The following CACNA2D1 variants were observed in gnomAD, a reference collection of about 807,000 sequenced individuals.
The protein encoded by CACNA2D1 is voltage-dependent calcium channel subunit alpha-2/delta-1.
CACNA2D1 carries 53 observed loss-of-function variants against 171.5 expected under a neutral mutation model. That is an observed-to-expected ratio of 0.31 (90% CI 0.25 to 0.39). The LOEUF (loss-of-function observed/expected upper bound fraction) is 0.39. Among genes scored for constraint, CACNA2D1 ranks in the 10% least tolerant of loss-of-function variants. CACNA2D1 has a pLI of 1.00. For missense variants in CACNA2D1, 903 were observed against 1,299.8 expected, an observed-to-expected ratio of 0.69 and a Z score of 4.69; for synonymous variants, 442 against 443.1, an observed-to-expected ratio of 1.00 and a Z score of 0.03.
intron 6 of CACNA2D1, among the ~76,000 whole-genome samples, chr7:82,105,396 G>GTTTTTT: frequency 1.6e-5 from 1 of 61,268 alleles, no homozygotes; most frequent in Non-Finnish European, 3.5e-5. Context: ...ACCAGTTTTT[G>GTTTTTT]TCTTTTTTTT....
intron 11 of CACNA2D1, 80 bp from the exon 12 acceptor site, chr7:82,032,981 T>C (rs1270244079): frequency 6.3e-6 from 5 of 799,164 alleles, no homozygotes; most frequent in Middle Eastern, 2.4e-4. Flanking sequence ...GGAACGAGCA[T>C]GAGCAGGTTG....
chr7:82,259,018 A>C (rs1806718993), intron 3 of CACNA2D1, among the ~76,000 whole-genome samples: 1 of 151,990 alleles, frequency 6.6e-6, no homozygotes. Context: ...TAGTAAAGAC[A>C]AAGTTTCGCC....
At position 81,957,493 on chromosome 7, in the gene CACNA2D1, A is replaced by AAGAT. The variant is rs1341044138; in HGVS notation, c.3159+1778_3159+1781dup. On this transcript the variant is annotated intron_variant, in intron 38 of 38. Transcript: ENST00000356860. ...CCACATGAAAACTTGCAGTAAAATG[A>AAGAT]AGATAGGAGCTGACATCATGGTACA... Among the ~76,000 whole-genome samples, 25 of 152,254 alleles carry AAGAT rather than the reference A, an allele frequency of 1.6e-4. No individual in the cohort carries two copies. In the East Asian group the frequency reaches 4.1e-3, roughly 25 times the overall value.
In CACNA2D1 at chr7:82,032,781, A is replaced by G. The variant is rs1440493716; in HGVS notation, c.1143+16T>C. ...AGATCATTATTAAAATTTAAATATTATAAAATTACACTCACTTTTTTATCT... is the reference window on the plus strand; with the variant it reads ...AGATCATTATTAAAATTTAAATATTGTAAAATTACACTCACTTTTTTATCT... On this transcript the variant is annotated intron_variant, in intron 12 of 38. Coordinates refer to ENST00000356860, the MANE Select transcript of CACNA2D1 (RefSeq NM_000722.4). 2 of 1,340,072 alleles carry G rather than the reference A, an allele frequency of 1.5e-6. No homozygotes were observed. Among genetic ancestry groups the G allele is most frequent in the Admixed American group, 1.7e-5 (1 of 58,728 alleles). 83.0% of individuals were successfully genotyped at this position (1,340,072 alleles called of 1,614,324 possible).
At chr7:82,030,487 C>T (rs1327387780) in intron 12 of CACNA2D1, among the ~76,000 whole-genome samples, 1 of 150,986 alleles carries the variant, frequency 6.6e-6, no homozygotes, top group Admixed American at 6.6e-5. Flanking sequence ...TTAGTTAAAT[C>T]CACCTGAAAA....
At chr7:82,071,988 G>C (rs1261046641) in intron 7 of CACNA2D1, among the ~76,000 whole-genome samples, 1 of 152,132 alleles carries the variant, frequency 6.6e-6, no homozygotes, top group Non-Finnish European at 1.5e-5. Context: ...TCAGTTGCTG[G>C]ACAACATCAT....
At chr7:82,069,994 T>C (rs1465057068) in intron 7 of CACNA2D1, among the ~76,000 whole-genome samples, 2 of 152,172 alleles carry the variant, frequency 1.3e-5, no homozygotes. Context: ...TCATCTCCTA[T>C]AGAGTATTAG....
chr7:82,401,941 C>A (rs9649651), intron 1 of CACNA2D1, among the ~76,000 whole-genome samples: 2 of 152,112 alleles, frequency 1.3e-5, no homozygotes, highest in East Asian at 3.9e-4. Context: ...GGATAGAAAG[C>A]GCGAAAGCAG....
At chr7:82,049,797 G>C (rs1804987724) in intron 10 of CACNA2D1, among the ~76,000 whole-genome samples, 1 of 152,176 alleles carries the variant, frequency 6.6e-6, no homozygotes, top group Admixed American at 6.6e-5. Flanking sequence ...TGACATAAAT[G>C]AGCAATAGAT....
At chr7:82,145,284 AAAAT>A (rs1310858110) in intron 4 of CACNA2D1, among the ~76,000 whole-genome samples, 2 of 145,728 alleles carry the variant, frequency 1.4e-5, no homozygotes, top group East Asian at 3.9e-4. Context: ...AATAAAATAA[AAAAT>A]AAAAATATAT....
intron 1 of CACNA2D1, among the ~76,000 whole-genome samples, chr7:82,425,573 G>A (rs570909105): frequency 5.5e-5 from 8 of 144,334 alleles, no homozygotes; most frequent in Admixed American, 1.4e-4. Context: ...ACAGAGTCTT[G>A]CTCTGTTGCC....
intron 7 of CACNA2D1, among the ~76,000 whole-genome samples, chr7:82,077,266 G>T (rs1809093093): frequency 6.6e-6 from 1 of 152,108 alleles, no homozygotes; most frequent in Admixed American, 6.6e-5. Context: ...CTGCCATTTA[G>T]CTGGATATAT....
intron 3 of CACNA2D1, among the ~76,000 whole-genome samples, chr7:82,276,729 T>A (rs1809379329): frequency 6.6e-6 from 1 of 151,346 alleles, no homozygotes; most frequent in African/African-American, 2.4e-5. Flanking sequence ...TTGACATCCA[T>A]CTCTCCCTTT....
chr7:82,243,510 T>C (rs1035998386), intron 3 of CACNA2D1, among the ~76,000 whole-genome samples: 2 of 152,214 alleles, frequency 1.3e-5, no homozygotes, highest in African/African-American at 4.8e-5. Flanking sequence ...GAGTAGTTAA[T>C]ATTAATCAAT....
chr7:82,325,125 A>G (rs1816489280), intron 3 of CACNA2D1, among the ~76,000 whole-genome samples: 1 of 151,936 alleles, frequency 6.6e-6, no homozygotes, highest in Non-Finnish European at 1.5e-5. Context: ...TGTAAATCAC[A>G]TGTTATTTTG....
chr7:81,962,240 TGAGATCAGGCCCGTGTG>T (rs1794223097), intron 35 of CACNA2D1, among the ~76,000 whole-genome samples, 183 bp downstream of exon 35: 1 of 151,934 alleles, frequency 6.6e-6, no homozygotes, highest in South Asian at 2.1e-4. Context: ...AAGATGGCTA[TGAGATCAGGCCCGTGTG>T]ACCTAGGTAA....
At chr7:82,302,411 C>CTTT (rs200236524) in intron 3 of CACNA2D1, among the ~76,000 whole-genome samples, 5 of 140,100 alleles carry the variant, frequency 3.6e-5, no homozygotes, top group East Asian at 2.1e-4. Flanking sequence ...ATTTCTAATT[C>CTTT]TTTTTTTTTT....
intron 3 of CACNA2D1, among the ~76,000 whole-genome samples, chr7:82,292,305 G>A (rs1811743495): frequency 6.6e-6 from 1 of 152,098 alleles, no homozygotes; most frequent in Non-Finnish European, 1.5e-5. Flanking sequence ...CCATCACCCT[G>A]CACCTATTTG....
chr7:82,059,648 CA>C (rs1343666265), intron 10 of CACNA2D1, among the ~76,000 whole-genome samples: 1 of 151,752 alleles, frequency 6.6e-6, no homozygotes, highest in Non-Finnish European at 1.5e-5. Context: ...TTACTTTAAC[CA>C]GGGATAAATT....
Sources: gnomAD v4.1 joint callset for allele counts (sites outside exome capture counted in the v4.1 genomes callset) on GRCh38, gnomAD v4.1.1 for gene constraint, MANE v1.5 for transcripts, NCBI Gene and HGNC (gene_info 2026-07-23, HGNC 2026-07-21) for gene names.